The following RNF150 variants were observed in gnomAD, a reference collection of about 807,000 sequenced individuals.
RNF150 encodes the protein ring finger protein 150.
In RNF150, 24 loss-of-function variants were observed where a neutral mutation model predicts 39.3. That is an observed-to-expected ratio of 0.61 (90% CI 0.44 to 0.86). RNF150 has a LOEUF of 0.86. RNF150 is among the 40% of genes least tolerant of loss of function. The pLI, the probability that RNF150 is intolerant of heterozygous loss-of-function variation, is 0.00. For synonymous variants in RNF150, 255 were observed against 227.3 expected (o/e 1.12, Z -1.10); for missense variants, 502 against 587.8 (o/e 0.85, Z 1.51).
At chr4:140,994,612 C>G (rs1263518094) in intron 1 of RNF150, among the ~76,000 whole-genome samples, 1 of 152,014 alleles carries the variant, frequency 6.6e-6, no homozygotes, top group African/African-American at 2.4e-5. Flanking sequence ...TGCATCAAGA[C>G]CAAAAGTAAG....
At chr4:140,976,441 C>T (rs191896561) in intron 1 of RNF150, among the ~76,000 whole-genome samples, 107 of 152,016 alleles carry the variant, frequency 7.0e-4, no homozygotes, top group Non-Finnish European at 4.0e-4. Context: ...AGCCAGTACT[C>T]GAGCCTGTCC....
intron 1 of RNF150, among the ~76,000 whole-genome samples, chr4:141,207,351 G>C (rs1216626398): frequency 6.6e-6 from 1 of 152,140 alleles, no homozygotes; most frequent in Non-Finnish European, 1.5e-5. Flanking sequence ...GAATTAGAGA[G>C]ATGCAGCAGA....
chr4:140,939,200 A>G (rs1011834287), intron 4 of RNF150, among the ~76,000 whole-genome samples: 7 of 152,214 alleles, frequency 4.6e-5, no homozygotes, highest in Admixed American at 1.3e-4. Flanking sequence ...TTTCACTATT[A>G]CTGCTCTGTA....
chr4:141,071,410 G>C (rs980154463), intron 1 of RNF150, among the ~76,000 whole-genome samples: 1 of 147,962 alleles, frequency 6.8e-6, no homozygotes, highest in African/African-American at 2.5e-5. Flanking sequence ...AGAAAATTGG[G>C]TAGTATTTCC....
intron 5 of RNF150, among the ~76,000 whole-genome samples, chr4:140,915,588 C>A (rs1240072044): frequency 6.6e-6 from 1 of 152,212 alleles, no homozygotes; most frequent in Non-Finnish European, 1.5e-5. Flanking sequence ...GGAGGATGTT[C>A]TGTTTTGTGG....
At chr4:140,956,672 A>T (rs145298491) in intron 2 of RNF150, among the ~76,000 whole-genome samples, 1,938 of 152,302 alleles carry the variant, frequency 0.013, 46 homozygotes, top group African/African-American at 0.042. Flanking sequence ...AGGCTACAGT[A>T]ACCAAAACAG....
chr4:140,871,411 G>A (rs1484782240), intron 6 of RNF150, among the ~76,000 whole-genome samples: 1 of 151,952 alleles, frequency 6.6e-6, no homozygotes, highest in East Asian at 1.9e-4. Context: ...AAGTATACAC[G>A]AATGGGAGAA....
intron 1 of RNF150, among the ~76,000 whole-genome samples, chr4:141,023,105 CTTAT>C (rs990211938): frequency 6.6e-6 from 1 of 152,154 alleles, no homozygotes; most frequent in African/African-American, 2.4e-5. Flanking sequence ...CCTTTATTAG[CTTAT>C]TTAATCAGTA....
intron 1 of RNF150, among the ~76,000 whole-genome samples, chr4:140,973,170 A>T (rs1733528036): frequency 6.6e-6 from 1 of 152,206 alleles, no homozygotes; most frequent in Non-Finnish European, 1.5e-5. Flanking sequence ...GAATACTTAA[A>T]TATATACAAT....
intron 1 of RNF150, among the ~76,000 whole-genome samples, chr4:141,006,904 T>C (rs954054232): frequency 1.3e-5 from 2 of 152,244 alleles, no homozygotes; most frequent in African/African-American, 4.8e-5. Flanking sequence ...TATAGTTGCA[T>C]TTATATTGAA....
intron 1 of RNF150, among the ~76,000 whole-genome samples, chr4:141,144,308 C>T (rs1727167093): frequency 6.6e-6 from 1 of 152,136 alleles, no homozygotes. Flanking sequence ...AAATATAATC[C>T]TTATCCTCCT....
intron 1 of RNF150, among the ~76,000 whole-genome samples, chr4:141,190,536 G>A (rs1367280025): frequency 6.6e-6 from 1 of 152,176 alleles, no homozygotes; most frequent in Non-Finnish European, 1.5e-5. Flanking sequence ...CCAACAACTT[G>A]AATGAGCTTG....
Position 141,092,326 on chromosome 4 carries a change from G to C in RNF150, c.484+39999C>G, listed in dbSNP as rs187914751. 2.7e-3 allele frequency among the ~76,000 whole-genome samples: 400 copies of C among 146,548 alleles called. 4 individuals are homozygous for C. The highest frequency in any genetic ancestry group is 1.0e-2 in the African/African-American group (388 of 38,900). On this transcript the variant is annotated intron_variant, in intron 1 of 6. Transcript: ENST00000515673. ...CCACTGCACTCCAGCCTGGGCAACA[G>C]AGCAAGACTCCCTGTACAAAAAAAA...
chr4:141,071,953 C>G (rs1737723588), intron 1 of RNF150, among the ~76,000 whole-genome samples: 1 of 152,160 alleles, frequency 6.6e-6, no homozygotes, highest in Admixed American at 6.5e-5. Flanking sequence ...GCCATATTTT[C>G]AAGCAATTTC....
At chr4:141,065,011 A>C (rs1737396623) in intron 1 of RNF150, among the ~76,000 whole-genome samples, 1 of 152,196 alleles carries the variant, frequency 6.6e-6, no homozygotes, top group South Asian at 2.1e-4. Flanking sequence ...GATCACAGGC[A>C]TGTGCTACTA....
intron 6 of RNF150, among the ~76,000 whole-genome samples, chr4:140,889,538 C>T (rs1294031051): frequency 1.3e-5 from 2 of 152,172 alleles, no homozygotes; most frequent in Non-Finnish European, 2.9e-5. Flanking sequence ...GGGTTTGGTA[C>T]CTCTTTAAAA....
intron 1 of RNF150, among the ~76,000 whole-genome samples, chr4:141,028,020 T>C (rs1340645913): frequency 7.4e-6 from 1 of 135,022 alleles, no homozygotes; most frequent in Non-Finnish European, 1.6e-5. Flanking sequence ...AGCTAGGATA[T>C]AGCAGATGAT....
chr4:141,188,776 C>G (rs1728057014), intron 1 of RNF150, among the ~76,000 whole-genome samples: 1 of 152,108 alleles, frequency 6.6e-6, no homozygotes, highest in Non-Finnish European at 1.5e-5. Flanking sequence ...TCTTATCTTC[C>G]TTGTCAAGGT....
At chr4:141,116,784 T>A (rs562853449) in intron 1 of RNF150, among the ~76,000 whole-genome samples, 1 of 152,286 alleles carries the variant, frequency 6.6e-6, no homozygotes, top group Admixed American at 6.5e-5. Flanking sequence ...ATGTGGCACA[T>A]ACATACCATG....
Sources: gnomAD v4.1 joint callset for allele counts (sites outside exome capture counted in the v4.1 genomes callset) on GRCh38, gnomAD v4.1.1 for gene constraint, MANE v1.5 for transcripts, NCBI Gene and HGNC (gene_info 2026-07-23, HGNC 2026-07-21) for gene names.